Variants in AEBP2 observed in about 807,000 individuals in gnomAD.
The protein encoded by AEBP2 is zinc finger protein AEBP2.
A neutral mutation model predicts 50.8 loss-of-function variants in AEBP2; 10 were observed. The observed-to-expected ratio is 0.20, with a 90% CI of 0.12 to 0.33. AEBP2 has a LOEUF of 0.33. AEBP2 is among the 10% of genes least tolerant of loss of function. The probability of loss-of-function intolerance (pLI) is 1.00; values close to 1 mark genes in which losing one functional copy is unlikely to be tolerated. For missense variants in AEBP2, 570 were observed against 688.0 expected (o/e 0.83, Z 1.92); for synonymous variants, 296 against 261.3 (o/e 1.13, Z -1.28).
intron 1 of AEBP2, among the ~76,000 whole-genome samples, chr12:19,431,772 G>C (rs903017419): frequency 6.6e-6 from 1 of 152,076 alleles, no homozygotes; most frequent in Non-Finnish European, 1.5e-5. Flanking sequence ...CCATCATCCT[G>C]TAAGATGTTA....
intron 2 of AEBP2, among the ~76,000 whole-genome samples, chr12:19,472,854 AC>A (rs1226285580): frequency 2.6e-5 from 4 of 152,244 alleles, no homozygotes; most frequent in East Asian, 1.9e-4. Context: ...GTATATTTTT[AC>A]AAAATATACC....
chr12:19,511,582 G>T (rs1949233148), intron 5 of AEBP2, among the ~76,000 whole-genome samples: 1 of 152,198 alleles, frequency 6.6e-6, no homozygotes, highest in Admixed American at 6.5e-5. Context: ...TCTGGGCACT[G>T]AGTGGGAGGT....
At position 19,518,949 on chromosome 12, in the gene AEBP2, T is replaced by G; in HGVS notation, c.*832T>G. 3.4e-6 allele frequency: 1 copy of G among 295,426 alleles called. No homozygotes were observed. Among genetic ancestry groups the G allele is most frequent in the Non-Finnish European group, 6.2e-6 (1 of 162,600 alleles). The allele number at this position is 295,426 out of a possible 1,614,324, so 18.3% of individuals were successfully genotyped here. A position where few individuals can be genotyped will look rare whatever the true frequency, so the allele number is the denominator to read the frequency against. The stretch of plus-strand genomic sequence containing the variant: ...TCATTTAACCTATATGACTCTAATT[T>G]TTTTTCTGAGGAAATCATTTGGTTT... On this transcript the variant is annotated 3_prime_UTR_variant, in exon 8 of 8. Coordinates refer to ENST00000266508, the MANE Select transcript of AEBP2 (RefSeq NM_153207.5).
At chr12:19,437,976 T>C (rs1312445043), upstream of AEBP2, among the ~76,000 whole-genome samples, 1 of 152,200 alleles carries the variant, frequency 6.6e-6, no homozygotes, top group African/African-American at 2.4e-5. Flanking sequence ...TCCCTAAAAT[T>C]GGCCTGAAAA....
chr12:19,416,157 T>G (rs1429848510), intron 1 of AEBP2, among the ~76,000 whole-genome samples: 1 of 152,142 alleles, frequency 6.6e-6, no homozygotes, highest in Non-Finnish European at 1.5e-5. Flanking sequence ...ACTCCAGCTT[T>G]AGTGACAGAG....
chr12:19,484,241 G>T (rs980485727), intron 3 of AEBP2, among the ~76,000 whole-genome samples: 2 of 139,734 alleles, frequency 1.4e-5, no homozygotes, highest in Admixed American at 1.5e-4. Context: ...GCACCACAAC[G>T]CCCAGCCAAT....
intron 1 of AEBP2, among the ~76,000 whole-genome samples, chr12:19,453,106 C>G (rs961798077): frequency 6.6e-6 from 1 of 150,840 alleles, no homozygotes; most frequent in African/African-American, 2.4e-5. Context: ...GTAGCTGGGA[C>G]CACGGGTACC....
rs1949358843 is a variant in AEBP2, at chr12:19,518,877, AC to A, written c.*761del. ...ATTTACCTATATAACTAATCTGTTA[AC>A]GGTTTTTGAAAAACCTTTCAAATTA... On this transcript the variant is annotated 3_prime_UTR_variant, in exon 8 of 8. Transcript: ENST00000266508. 4.4e-6 allele frequency: 2 copies of A among 457,568 alleles called. No individual in the cohort carries two copies. Among genetic ancestry groups the A allele is most frequent in the Non-Finnish European group, 7.2e-6 (2 of 278,896 alleles). 28.3% of individuals were successfully genotyped at this position (457,568 alleles called of 1,614,324 possible). A position where few individuals can be genotyped will look rare whatever the true frequency, so the allele number is the denominator to read the frequency against.
chr12:19,406,249 G>A lies in AEBP2; in HGVS notation c.-17+2033G>A, dbSNP rs187385269. 5.8e-3 allele frequency among the ~76,000 whole-genome samples: 876 copies of A among 152,216 alleles called. 4 individuals carry two copies. Among genetic ancestry groups the A allele is most frequent in the South Asian group, 0.035 (170 of 4,824 alleles). On this transcript the variant is annotated intron_variant, in intron 1 of 3. Coordinates refer to the AEBP2 transcript ENST00000538425. ...CAAAGTGCTGGGATTATAGGCATGA[G>A]CCACCACACCCAGCCTACATTGATA...
chr12:19,456,751 G>A (rs1948275510), intron 1 of AEBP2: 1 of 1,590,286 alleles, frequency 6.3e-7, no homozygotes. Context: ...GCTTCATGGT[G>A]CATTTCGACA....
chr12:19,428,342 A>T (rs2095749642), intron 1 of AEBP2, among the ~76,000 whole-genome samples: 1 of 152,202 alleles, frequency 6.6e-6, no homozygotes, highest in African/African-American at 2.4e-5. Flanking sequence ...GGTCATCTAG[A>T]GGTCCATGTT....
intron 1 of AEBP2, among the ~76,000 whole-genome samples, chr12:19,418,082 T>C (rs2095743590): frequency 6.6e-6 from 1 of 152,144 alleles, no homozygotes; most frequent in African/African-American, 2.4e-5. Flanking sequence ...TCTAGCTTCT[T>C]TTTAAAGGTC....
At chr12:19,492,779 C>T (rs1464250940) in intron 3 of AEBP2, among the ~76,000 whole-genome samples, 1 of 152,034 alleles carries the variant, frequency 6.6e-6, no homozygotes, top group African/African-American at 2.4e-5. Flanking sequence ...CCAGCTTACC[C>T]AACATGGTGA....
chr12:19,449,811 CT>C (rs1948134989), intron 1 of AEBP2, among the ~76,000 whole-genome samples: 1 of 152,118 alleles, frequency 6.6e-6, no homozygotes, highest in Non-Finnish European at 1.5e-5. Flanking sequence ...ATATATTTTA[CT>C]TGCCTTAAAA....
chr12:19,518,735 C>A lies in AEBP2; in HGVS notation c.*618C>A. On this transcript the variant is annotated 3_prime_UTR_variant, in exon 8 of 8. Coordinates refer to ENST00000266508, the MANE Select transcript of AEBP2 (RefSeq NM_153207.5). ...GCAAACAGTGAACGACGTTTGCAAT[C>A]AACTAAAAATTCGTCTATCGAATTA... 6.7e-7 allele frequency: 1 copy of A among 1,484,158 alleles called. No individual in the cohort carries two copies. The highest frequency in any genetic ancestry group is 1.3e-5 in the South Asian group (1 of 76,280). 91.9% of individuals were successfully genotyped at this position (1,484,158 alleles called of 1,614,324 possible). A position where few individuals can be genotyped will look rare whatever the true frequency, so the allele number is the denominator to read the frequency against.
intron 7 of AEBP2, among the ~76,000 whole-genome samples, chr12:19,516,528 A>G (rs559941788): frequency 6.6e-6 from 1 of 152,260 alleles, no homozygotes; most frequent in Non-Finnish European, 1.5e-5. Context: ...GCCATATAGG[A>G]AGCAATTTAG....
rs574193070 is a variant in AEBP2, at chr12:19,462,523, A to G, written c.685A>G (p.Ile229Val). Reference protein sequence around the residue: ...MDSEDSISSTIMDVDSTISSG... With the variant: ...MDSEDSISSTVMDVDSTISSG... ...CTTCTTTTGTAGCATAAGCAGTACT[A>G]TAATGGATGTAGACAGCACAATTTC... The change falls in exon 2 of 8, where the codon ATA (isoleucine) becomes GTA (valine). Residue 229 changes from isoleucine (I) to valine (V), a missense_variant. Transcript: ENST00000266508. 3.7e-6 allele frequency: 6 copies of G among 1,610,692 alleles called. No homozygotes were observed. Among genetic ancestry groups the G allele is most frequent in the South Asian group, 1.1e-5 (1 of 90,266 alleles).
At chr12:19,481,738 C>T (rs879311222) in intron 3 of AEBP2, among the ~76,000 whole-genome samples, 1 of 152,152 alleles carries the variant, frequency 6.6e-6, no homozygotes, top group Non-Finnish European at 1.5e-5. Flanking sequence ...CTCAGCCTCC[C>T]ACAGTGCTGG....
chr12:19,405,482 T>C (rs2095735711), intron 1 of AEBP2, among the ~76,000 whole-genome samples: 1 of 151,736 alleles, frequency 6.6e-6, no homozygotes, highest in Non-Finnish European at 1.5e-5. Flanking sequence ...TGTACCACCA[T>C]ACCCAGCTAA....
Sources: allele counts gnomAD v4.1 joint callset (sites outside exome capture counted in the v4.1 genomes callset), GRCh38; gene constraint gnomAD v4.1.1; transcripts MANE v1.5; gene names NCBI Gene and HGNC (gene_info 2026-07-23, HGNC 2026-07-21).